The following GPM6A variants were observed in gnomAD, a reference collection of about 807,000 sequenced individuals.
GPM6A encodes glycoprotein M6A, also known as neuronal membrane glycoprotein M6-a.
GPM6A carries 7 observed loss-of-function variants against 32.1 expected under a neutral mutation model. That is an observed-to-expected ratio of 0.22 (90% CI 0.12 to 0.41). The LOEUF is 0.41. GPM6A is among the 10% of genes least tolerant of loss of function. The pLI, the probability that GPM6A is intolerant of heterozygous loss-of-function variation, is 1.00. For synonymous variants in GPM6A, 130 were observed against 123.4 expected (o/e 1.05, Z -0.35); for missense variants, 235 against 347.2 (o/e 0.68, Z 2.57).
At chr4:175,894,685 T>C (rs2111481468) in intron 1 of GPM6A, among the ~76,000 whole-genome samples, 1 of 152,268 alleles carries the variant, frequency 6.6e-6, no homozygotes, top group African/African-American at 2.4e-5. Context: ...TTTTTAATAG[T>C]AAAACCACAG....
Position 175,937,978 on chromosome 4 carries a change from TAGTC to T in GPM6A, c.-23+64327_-23+64330del, listed in dbSNP as rs543356468. On this transcript the variant is annotated intron_variant, in intron 1 of 7. Coordinates refer to the GPM6A transcript ENST00000280187. ...CCACCCTATTTAATTCTAAAGTTGATAGTCAGTTATTTATATGGACGTGACCTCA... is the reference window on the plus strand; with the variant it reads ...CCACCCTATTTAATTCTAAAGTTGATAGTTATTTATATGGACGTGACCTCA... 5.2e-3 allele frequency among the ~76,000 whole-genome samples: 799 copies of T among 152,248 alleles called. 4 individuals are homozygous for T. The highest frequency in any genetic ancestry group is 0.017 in the Middle Eastern group (5 of 292).
At chr4:175,829,028 A>G (rs1418485715) in intron 1 of GPM6A, among the ~76,000 whole-genome samples, 2 of 152,258 alleles carry the variant, frequency 1.3e-5, no homozygotes, top group East Asian at 1.9e-4. Flanking sequence ...AGCTAAATCA[A>G]TCTTCCCACC....
chr4:175,963,003 C>A (rs534242271), intron 1 of GPM6A, among the ~76,000 whole-genome samples: 1 of 149,858 alleles, frequency 6.7e-6, no homozygotes, highest in South Asian at 2.1e-4. Context: ...TGCTAGAAAT[C>A]AAAAACAGTG....
intron 1 of GPM6A, among the ~76,000 whole-genome samples, chr4:175,952,346 T>C (rs1739842828): frequency 6.6e-6 from 1 of 151,996 alleles, no homozygotes; most frequent in Non-Finnish European, 1.5e-5. Context: ...GTCCAAGGAG[T>C]CTAGTGGAGT....
intron 1 of GPM6A, among the ~76,000 whole-genome samples, chr4:175,747,849 C>T (rs1289161846): frequency 6.6e-6 from 1 of 152,168 alleles, no homozygotes; most frequent in Non-Finnish European, 1.5e-5. Context: ...GCACATGATA[C>T]TGTTTGATAG....
chr4:175,756,619 C>T (rs722825), intron 1 of GPM6A, among the ~76,000 whole-genome samples: 55,025 of 151,858 alleles, frequency 0.36, 10,531 homozygotes, highest in Non-Finnish European at 0.43. Flanking sequence ...TGAGCTGTCA[C>T]TGGGACGTAA....
chr4:175,955,876 T>C (rs1253648974), intron 1 of GPM6A, among the ~76,000 whole-genome samples: 2 of 152,180 alleles, frequency 1.3e-5, no homozygotes, highest in East Asian at 1.9e-4. Context: ...CTGGCTCTCA[T>C]GGTCTATGGA....
intron 1 of GPM6A, among the ~76,000 whole-genome samples, chr4:175,870,497 T>C (rs1193528602): frequency 3.3e-5 from 5 of 152,206 alleles, no homozygotes; most frequent in Admixed American, 2.6e-4. Context: ...AAAAATAATG[T>C]ATATAAAATA....
At chr4:175,949,669 C>T (rs991850752) in intron 1 of GPM6A, among the ~76,000 whole-genome samples, 1 of 152,096 alleles carries the variant, frequency 6.6e-6, no homozygotes, top group Non-Finnish European at 1.5e-5. Flanking sequence ...TCCTTCAAAT[C>T]AGTAAATAAA....
At chr4:175,926,987 TA>T (rs1309115993) in intron 1 of GPM6A, among the ~76,000 whole-genome samples, 2 of 152,262 alleles carry the variant, frequency 1.3e-5, no homozygotes, top group East Asian at 3.8e-4. Flanking sequence ...ATGCTGTTAA[TA>T]AAATACTATT....
At chr4:175,990,854 G>A (rs1467070837) in intron 1 of GPM6A, among the ~76,000 whole-genome samples, 1 of 151,984 alleles carries the variant, frequency 6.6e-6, no homozygotes, top group Admixed American at 6.6e-5. Context: ...TTCTCTTAAG[G>A]TAACTGCTGT....
chr4:175,645,095 C>G (rs1741380824), intron 4 of GPM6A, among the ~76,000 whole-genome samples: 1 of 151,504 alleles, frequency 6.6e-6, no homozygotes, highest in African/African-American at 2.4e-5. Flanking sequence ...GTGAGATTGT[C>G]TCAAAAATAA....
At chr4:175,674,645 T>G (rs1743260960) in intron 2 of GPM6A, among the ~76,000 whole-genome samples, 1 of 152,214 alleles carries the variant, frequency 6.6e-6, no homozygotes, top group African/African-American at 2.4e-5. Flanking sequence ...AATTCCATAT[T>G]TTTACGTTAC....
intron 1 of GPM6A, among the ~76,000 whole-genome samples, chr4:175,800,432 C>T (rs1023366844): frequency 6.6e-6 from 1 of 152,318 alleles, no homozygotes; most frequent in Non-Finnish European, 1.5e-5. Context: ...GACCCTCCAA[C>T]CTCTAGGCCA....
chr4:175,714,649 G>A (rs1275326738), intron 1 of GPM6A, among the ~76,000 whole-genome samples: 1 of 152,144 alleles, frequency 6.6e-6, no homozygotes, highest in Non-Finnish European at 1.5e-5. Flanking sequence ...ATTGACAGTA[G>A]ATACTGCCAG....
chr4:175,814,046 C>A (rs1735025472), upstream of GPM6A, among the ~76,000 whole-genome samples: 2 of 152,200 alleles, frequency 1.3e-5, no homozygotes, highest in African/African-American at 4.8e-5. Flanking sequence ...TTCAACTCAT[C>A]CCTAGGCTGA....
intron 1 of GPM6A, among the ~76,000 whole-genome samples, chr4:175,818,586 T>C (rs763052359): frequency 6.6e-6 from 1 of 152,254 alleles, no homozygotes; most frequent in Non-Finnish European, 1.5e-5. Flanking sequence ...TAGATACTTG[T>C]TGAATGCATG....
At chr4:175,790,599 G>C (rs1177439586) in intron 1 of GPM6A, among the ~76,000 whole-genome samples, 2 of 152,092 alleles carry the variant, frequency 1.3e-5, no homozygotes. Flanking sequence ...GGGTGTACAT[G>C]ATATAAGGAT....
intron 2 of GPM6A, among the ~76,000 whole-genome samples, chr4:175,681,271 G>T (rs1743671873): frequency 6.6e-6 from 1 of 152,110 alleles, no homozygotes; most frequent in Non-Finnish European, 1.5e-5. Flanking sequence ...GCATTGTTAA[G>T]CTTTTAAATT....
Sources: gnomAD v4.1 joint callset for allele counts (sites outside exome capture counted in the v4.1 genomes callset) on GRCh38, gnomAD v4.1.1 for gene constraint, MANE v1.5 for transcripts, NCBI Gene and HGNC (gene_info 2026-07-23, HGNC 2026-07-21) for gene names.